The following STS variants were observed in gnomAD, a reference collection of about 807,000 sequenced individuals.
STS encodes the protein steroid sulfatase, also known as steryl-sulfatase.
In STS, 7 loss-of-function variants were observed where a neutral mutation model predicts 26.8. The observed-to-expected ratio is 0.26, with a 90% CI of 0.15 to 0.49. STS has a LOEUF of 0.49. Ranked by LOEUF, STS falls within the 20% of genes least tolerant of loss-of-function variation. The pLI is 0.98. For synonymous variants in STS, 199 were observed against 189.4 expected (o/e 1.05, Z -0.42); for missense variants, 434 against 465.6 (o/e 0.93, Z 0.63).
intron 10 of STS, among the ~76,000 whole-genome samples, chrX:7,335,651 G>A (rs1927983080): frequency 8.9e-6 from 1 of 112,025 alleles, no homozygotes. Flanking sequence ...TGTTGCCATT[G>A]CTTTTGGTGT....
chrX:7,163,075 A>G (rs1405508847), intron 1 of STS, among the ~76,000 whole-genome samples: 1 of 104,523 alleles, frequency 9.6e-6, no homozygotes, highest in African/African-American at 3.5e-5. Flanking sequence ...AAAAAAAAAA[A>G]AATGCATGAG....
intron 8 of STS, among the ~76,000 whole-genome samples, chrX:7,312,229 G>A (rs1244896053): frequency 9.0e-6 from 1 of 111,680 alleles, no homozygotes; most frequent in Non-Finnish European, 1.9e-5. Context: ...ATCTTTGGAT[G>A]GATTTTATCT....
intron 1 of STS, among the ~76,000 whole-genome samples, chrX:7,163,975 T>C (rs1469013316): frequency 9.0e-6 from 1 of 111,715 alleles, no homozygotes; most frequent in Non-Finnish European, 1.9e-5. Flanking sequence ...CCCACCATCA[T>C]GCTCAGCTAA....
chrX:7,306,935 C>G (rs1926245337), intron 8 of STS, among the ~76,000 whole-genome samples: 1 of 111,851 alleles, frequency 8.9e-6, no homozygotes, highest in Non-Finnish European at 1.9e-5. Context: ...GTAGTCTATC[C>G]CTGCAGCATA....
At chrX:7,216,580 C>T (rs1458942335) in intron 2 of STS, among the ~76,000 whole-genome samples, 2 of 111,462 alleles carry the variant, frequency 1.8e-5, no homozygotes, top group African/African-American at 3.3e-5. Context: ...TTAAGGGTGG[C>T]CTGATTAGAC....
At chrX:7,206,129 G>A (rs1354354146) in intron 2 of STS, among the ~76,000 whole-genome samples, 2 of 111,585 alleles carry the variant, frequency 1.8e-5, no homozygotes, top group African/African-American at 3.3e-5. Context: ...GGGCCCCCAG[G>A]CCTGTTCAAT....
At chrX:7,265,574 T>C (rs753490019) in intron 6 of STS, among the ~76,000 whole-genome samples, 29 of 111,998 alleles carry the variant, frequency 2.6e-4, no homozygotes, top group Non-Finnish European at 4.9e-4. Flanking sequence ...AACTACAGAT[T>C]TAAGATGTTC....
chrX:7,349,037 A>G (rs1157675710), intron 10 of STS, among the ~76,000 whole-genome samples: 10 of 109,251 alleles, frequency 9.2e-5, no homozygotes, highest in South Asian at 4.0e-4. Context: ...GCTGGAGTGC[A>G]GTGGCATGAT....
intron 8 of STS, 63 bp from the exon 9 acceptor site, chrX:7,325,276 G>A (rs905685354): frequency 3.5e-6 from 4 of 1,140,700 alleles, no homozygotes; most frequent in Non-Finnish European, 4.8e-6. Flanking sequence ...AGAGTCCATT[G>A]AAGTGAGCAT....
chrX:7,242,797 C>T (rs1464597805), intron 2 of STS, among the ~76,000 whole-genome samples: 17 of 111,703 alleles, frequency 1.5e-4, no homozygotes, highest in African/African-American at 4.6e-4. Flanking sequence ...GCAGTTCTGA[C>T]TCCACTGCCC....
chrX:7,162,499 G>A (rs1933264270), intron 1 of STS, among the ~76,000 whole-genome samples: 1 of 110,590 alleles, frequency 9.0e-6, no homozygotes, highest in Non-Finnish European at 1.9e-5. Context: ...TCCTCTTGGC[G>A]GTTCCAAGAC....
At chrX:7,277,568 T>A (rs1194243882) in intron 7 of STS, among the ~76,000 whole-genome samples, 1 of 111,861 alleles carries the variant, frequency 8.9e-6, no homozygotes, top group Non-Finnish European at 1.9e-5. Flanking sequence ...ACTTGGGAGA[T>A]GTTTTACATC....
At chrX:7,325,000 G>C (rs772532201) in intron 8 of STS, among the ~76,000 whole-genome samples, 7 of 111,031 alleles carry the variant, frequency 6.3e-5, no homozygotes, top group African/African-American at 2.3e-4. Context: ...GCCACAGCTG[G>C]TGTAAAGTAG....
intron 2 of STS, among the ~76,000 whole-genome samples, chrX:7,209,696 C>T (rs1299104322): frequency 9.5e-6 from 1 of 105,751 alleles, no homozygotes; most frequent in Non-Finnish European, 1.9e-5. Flanking sequence ...ATGTGCAGAA[C>T]GTGCAGGTTA....
chrX:7,259,830 CGTGGAG>C (rs1923647431), intron 6 of STS, 58 bp downstream of exon 6: 7 of 1,163,235 alleles, frequency 6.0e-6, no homozygotes, highest in Non-Finnish European at 7.0e-6. Context: ...GGTTATTTCT[CGTGGAG>C]GTGGAAGAAC....
chrX:7,336,802 G>A (rs1259630723), intron 10 of STS, among the ~76,000 whole-genome samples: 1 of 112,105 alleles, frequency 8.9e-6, no homozygotes, highest in South Asian at 3.7e-4. Flanking sequence ...TTGCAAAATT[G>A]TATTTTAATA....
At chrX:7,301,913 T>G (rs1403319462) in intron 7 of STS, among the ~76,000 whole-genome samples, 2 of 112,028 alleles carry the variant, frequency 1.8e-5, no homozygotes, top group African/African-American at 3.2e-5. Flanking sequence ...TCTGAAATAA[T>G]CTTTCATTGT....
chrX:7,276,239 G>A (rs1924532427), intron 7 of STS, 152 bp downstream of exon 7: 2 of 728,358 alleles, frequency 2.7e-6, no homozygotes, highest in East Asian at 7.7e-5. Flanking sequence ...CATTGATCCT[G>A]AAAGGTAAAT....
intron 2 of STS, among the ~76,000 whole-genome samples, chrX:7,204,126 A>T (rs1815988256): frequency 9.0e-6 from 1 of 111,586 alleles, no homozygotes. Context: ...CCTTTATATC[A>T]TGTTTGGTTC....
Sources: allele counts gnomAD v4.1 joint callset (sites outside exome capture counted in the v4.1 genomes callset), GRCh38; gene constraint gnomAD v4.1.1; transcripts MANE v1.5; gene names NCBI Gene and HGNC (gene_info 2026-07-23, HGNC 2026-07-21).